The following KLF8 variants were observed in gnomAD, a reference collection of about 807,000 sequenced individuals.
KLF8 encodes the protein Krueppel-like factor 8.
KLF8 carries 10 observed loss-of-function variants against 18.2 expected under a neutral mutation model. The ratio of observed to expected loss-of-function variants is 0.55; its 90% confidence interval spans 0.34 to 0.93. The LOEUF (loss-of-function observed/expected upper bound fraction) is 0.93. KLF8 is among the 40% of genes least tolerant of loss of function. KLF8 has a pLI of 0.02. For synonymous variants in KLF8, 109 were observed against 97.3 expected (o/e 1.12, Z -0.71); for missense variants, 264 against 277.9 (o/e 0.95, Z 0.36).
the KLF8 span, among the ~76,000 whole-genome samples, chrX:56,046,288 C>T: frequency 2.7e-5 from 3 of 111,339 alleles, no homozygotes; most frequent in African/African-American, 9.8e-5. Context: ...GATCATCAGG[C>T]ATATTAGCCT....
At chrX:55,983,454 T>G in the KLF8 span, among the ~76,000 whole-genome samples, 4 of 111,575 alleles carry the variant, frequency 3.6e-5, no homozygotes, top group Non-Finnish European at 5.7e-5. Flanking sequence ...TGCCACCAAC[T>G]TCATCTCTTA....
At chrX:56,025,300 T>C in the KLF8 span, among the ~76,000 whole-genome samples, 1 of 112,399 alleles carries the variant, frequency 8.9e-6, no homozygotes, top group South Asian at 3.7e-4. Context: ...TATTCTAGGA[T>C]CTTGTCCTTT....
chrX:55,994,573 C>T, the KLF8 span, among the ~76,000 whole-genome samples: 1 of 109,038 alleles, frequency 9.2e-6, no homozygotes. Context: ...GTAAATTTTT[C>T]TCTCATCACT....
intron 1 of KLF8, among the ~76,000 whole-genome samples, chrX:56,247,268 G>T (rs746295326): frequency 2.2e-4 from 24 of 111,525 alleles, no homozygotes; most frequent in Non-Finnish European, 4.0e-4. Context: ...CATAGAAAAG[G>T]CACAGTTAAA....
the KLF8 span, among the ~76,000 whole-genome samples, chrX:56,095,913 A>G: frequency 1.4e-4 from 16 of 111,935 alleles, no homozygotes; most frequent in Non-Finnish European, 2.6e-4. Context: ...AACTAAAAAT[A>G]GAATTATTAT....
the KLF8 span, among the ~76,000 whole-genome samples, chrX:56,186,205 A>G: frequency 8.0e-4 from 89 of 111,653 alleles, no homozygotes; most frequent in African/African-American, 2.7e-3. Flanking sequence ...TGGAAAACAG[A>G]AAAAGGCAGG....
the KLF8 span, among the ~76,000 whole-genome samples, chrX:56,071,211 A>G: frequency 1.8e-5 from 2 of 111,763 alleles, no homozygotes; most frequent in African/African-American, 6.5e-5. Flanking sequence ...AGGAAACTTA[A>G]TTACCAGAAG....
At chrX:56,104,108 G>A in the KLF8 span, among the ~76,000 whole-genome samples, 1 of 111,854 alleles carries the variant, frequency 8.9e-6, no homozygotes, top group Non-Finnish European at 1.9e-5. Flanking sequence ...GCTGGATTCA[G>A]TTTGCCAGTA....
chrX:56,265,621 C>T lies in KLF8; in HGVS notation c.523C>T (p.Leu175=), dbSNP rs1338925061. The change falls in exon 3 of 6, where the codon CTG becomes TTG. Residue 175 remains leucine (L), a synonymous_variant. Transcript: ENST00000468660. The part of the protein sequence containing the change: ...SVSLPNKMGG[L]KTIPVVVQSL... Reference sequence around the variant, plus strand: ...CAGTCTGCCAAATAAGATGGGTGGCCTGAAGACCATCCCAGTGGTAGTGCA... The same window carrying T: ...CAGTCTGCCAAATAAGATGGGTGGCTTGAAGACCATCCCAGTGGTAGTGCA... The T allele has an allele frequency of 3.3e-6, 4 of 1,209,984 alleles. No individual in the cohort carries two copies. The South Asian group carries it at 5.3e-5, about 16-fold the overall frequency.
the KLF8 span, among the ~76,000 whole-genome samples, chrX:56,155,262 A>T: frequency 7.3e-4 from 82 of 112,031 alleles, no homozygotes; most frequent in Admixed American, 6.8e-3. Context: ...ACACCATGGA[A>T]TACTATTCAG....
the KLF8 span, among the ~76,000 whole-genome samples, chrX:56,012,110 A>G: frequency 8.9e-6 from 1 of 112,217 alleles, no homozygotes; most frequent in Non-Finnish European, 1.9e-5. Flanking sequence ...TAATGAGGCC[A>G]GCATCATCCT....
chrX:56,059,233 T>C, the KLF8 span, among the ~76,000 whole-genome samples: 3 of 112,149 alleles, frequency 2.7e-5, no homozygotes, highest in Non-Finnish European at 5.6e-5. Context: ...TTTAAGTTCT[T>C]TGTAGATTCT....
chrX:56,206,193 T>C, the KLF8 span, among the ~76,000 whole-genome samples: 1 of 111,321 alleles, frequency 9.0e-6, no homozygotes, highest in Non-Finnish European at 1.9e-5. Context: ...AGGTGAGATT[T>C]GGGTGGGGAC....
the KLF8 span, among the ~76,000 whole-genome samples, chrX:56,038,570 G>A: frequency 8.9e-6 from 1 of 112,549 alleles, no homozygotes; most frequent in East Asian, 2.8e-4. Context: ...TGGCTGCATA[G>A]CATTCCATAG....
At chrX:56,069,772 G>A in the KLF8 span, among the ~76,000 whole-genome samples, 3 of 110,933 alleles carry the variant, frequency 2.7e-5, no homozygotes, top group Non-Finnish European at 5.7e-5. Context: ...AGTCTTGCCC[G>A]GCTTCCTGCC....
At chrX:55,967,307 G>A in the KLF8 span, among the ~76,000 whole-genome samples, 2 of 111,043 alleles carry the variant, frequency 1.8e-5, no homozygotes, top group Non-Finnish European at 3.8e-5. Context: ...TTGTCTCAAA[G>A]CATTTAATAA....
At chrX:56,073,662 T>C in the KLF8 span, among the ~76,000 whole-genome samples, 1 of 112,065 alleles carries the variant, frequency 8.9e-6, no homozygotes, top group Non-Finnish European at 1.9e-5. Flanking sequence ...TTATTTTCCA[T>C]GTTTTTTGAT....
chrX:56,021,423 C>A, the KLF8 span, among the ~76,000 whole-genome samples: 15 of 111,023 alleles, frequency 1.4e-4, no homozygotes, highest in African/African-American at 4.9e-4. Context: ...ATAATAAAAG[C>A]TGTATGAATT....
At chrX:55,923,962 G>C in the KLF8 span, among the ~76,000 whole-genome samples, 2 of 110,952 alleles carry the variant, frequency 1.8e-5, no homozygotes, top group Non-Finnish European at 3.8e-5. Flanking sequence ...CTTTACCCCA[G>C]ATATTTTCAT....
Sources: gnomAD v4.1 joint callset for allele counts (sites outside exome capture counted in the v4.1 genomes callset) on GRCh38, gnomAD v4.1.1 for gene constraint, MANE v1.5 for transcripts, NCBI Gene and HGNC (gene_info 2026-07-23, HGNC 2026-07-21) for gene names.